BCR: variants seen among roughly 807,000 people sequenced by gnomAD.
BCR encodes the protein BCR activator of RhoGEF and GTPase, also known as breakpoint cluster region protein.
A neutral mutation model predicts 138.6 loss-of-function variants in BCR; 58 were observed. The ratio of observed to expected loss-of-function variants is 0.42; its 90% CI spans 0.34 to 0.52. BCR has a LOEUF of 0.52. Ranked by LOEUF, BCR falls within the 20% of genes least tolerant of loss-of-function variation. The pLI, the probability that BCR is intolerant of heterozygous loss-of-function variation, is 0.06. For synonymous variants in BCR, 786 were observed against 730.1 expected (o/e 1.08, Z -1.23); for missense variants, 1,599 against 1,727.2 (o/e 0.93, Z 1.32).
In BCR at chr22:23,273,113, A is replaced by G; in HGVS notation, c.1954A>G (p.Arg652Gly). The change falls in exon 7 of 23, where the codon AGG (arginine) becomes GGG (glycine). Residue 652 changes from arginine to glycine, a missense_variant. By Grantham distance (125) the Arg-to-Gly change is moderately radical (BLOSUM62 -2). This residue lies in a region of BCR where 590 missense variants were observed against 762.4 expected (regional missense o/e 0.77). Coordinates refer to ENST00000305877, the MANE Select transcript of BCR (RefSeq NM_004327.4). ...LLYKPVDRVT[R>G]STLVLHDLLK... ...CTACAAGCCTGTGGACCGTGTGACG[A>G]GGAGCACGCTGGTCCTCCATGTAAG... The G allele has an allele frequency of 6.2e-7, 1 of 1,613,596 alleles. No homozygotes were observed. The highest frequency in any genetic ancestry group is 8.5e-7 in the Non-Finnish European group (1 of 1,179,718).
At chr22:23,292,768 ATC>A in intron 15 of BCR, 130 bp downstream of exon 15, 1 of 701,624 alleles carries the variant, frequency 1.4e-6, no homozygotes, top group Non-Finnish European at 2.3e-6. Context: ...AATTCCAGGA[ATC>A]TCCTGGGGGG....
intron 1 of BCR, among the ~76,000 whole-genome samples, chr22:23,229,280 A>G (rs2072927064): frequency 6.6e-6 from 1 of 152,010 alleles, no homozygotes; most frequent in Non-Finnish European, 1.5e-5. Flanking sequence ...TTCTTCTTAG[A>G]GCATGGTTAT....
chr22:23,282,326 AG>A (rs1376828240), intron 8 of BCR, among the ~76,000 whole-genome samples: 1 of 152,206 alleles, frequency 6.6e-6, no homozygotes, highest in East Asian at 1.9e-4. Context: ...TGCCCTCGGC[AG>A]GCGGGGTGTG....
chr22:23,309,921 T>A (rs2073989149), intron 17 of BCR: 4 of 323,960 alleles, frequency 1.2e-5, no homozygotes, highest in Non-Finnish European at 2.3e-5. Flanking sequence ...TCTTTCCTAC[T>A]TAATTTTTAA....
At position 23,189,275 on chromosome 22, in the gene BCR, T is replaced by G. The variant is rs185005301; in HGVS notation, c.1279+7036T>G. On this transcript the variant is annotated intron_variant, in intron 1 of 22. Coordinates refer to ENST00000305877, the MANE Select transcript of BCR (RefSeq NM_004327.4). ...CCACTTGTCAATTTCTAGAACTTTTTCATCTTCCCAAACTGAAACTTCATA... is the reference window on the plus strand; with the variant it reads ...CCACTTGTCAATTTCTAGAACTTTTGCATCTTCCCAAACTGAAACTTCATA... 3.5e-3 allele frequency among the ~76,000 whole-genome samples: 536 copies of G among 152,324 alleles called. 6 individuals are homozygous for G. The highest frequency in any genetic ancestry group is 0.02 in the Middle Eastern group (6 of 294).
At chr22:23,236,325 G>A (rs544973651) in intron 1 of BCR, among the ~76,000 whole-genome samples, 1 of 152,304 alleles carries the variant, frequency 6.6e-6, no homozygotes, top group East Asian at 1.9e-4. Context: ...CTCTATGACT[G>A]AGCAGCACAG....
intron 1 of BCR, among the ~76,000 whole-genome samples, chr22:23,246,232 C>T (rs1330695187): frequency 2.0e-5 from 3 of 152,012 alleles, no homozygotes; most frequent in African/African-American, 7.3e-5. Flanking sequence ...CAAGACCAGC[C>T]TAGGCAACAT....
chr22:23,184,780 C>T lies in BCR; in HGVS notation c.1279+2541C>T, dbSNP rs559524220. On this transcript the variant is annotated intron_variant, in intron 1 of 22. Transcript: ENST00000305877. ...CACTCTGCCTAGCAGTTTCCCCTGA[C>T]GTGGGTCCATGTATGGCAGGCATGG... Among the ~76,000 whole-genome samples the T allele has an allele frequency of 7.9e-5, 12 of 152,274 alleles. No homozygotes were observed. The South Asian group carries it at 8.3e-4, about 11-fold the overall frequency.
At chr22:23,185,662 T>C (rs898170004) in intron 1 of BCR, among the ~76,000 whole-genome samples, 1 of 148,298 alleles carries the variant, frequency 6.7e-6, no homozygotes, top group African/African-American at 2.5e-5. Context: ...CGAGACACAG[T>C]CTCAAAAAAC....
intron 18 of BCR, among the ~76,000 whole-genome samples, chr22:23,311,495 G>C (rs1384305376): frequency 6.6e-6 from 1 of 151,986 alleles, no homozygotes; most frequent in African/African-American, 2.4e-5. Context: ...CGCTTGAAAG[G>C]TTCCTGAGAA....
intron 4 of BCR, chr22:23,263,666 A>T (rs1232505859): frequency 6.9e-7 from 1 of 1,440,422 alleles, no homozygotes; most frequent in Non-Finnish European, 9.8e-7. Context: ...GGAGATGGGA[A>T]GATTGGCCTT....
rs935287554 is a variant in BCR, at chr22:23,212,715, C to T, written c.1279+30476C>T. On this transcript the variant is annotated intron_variant, in intron 1 of 22. Coordinates refer to ENST00000305877, the MANE Select transcript of BCR (RefSeq NM_004327.4). Reference sequence around the variant, plus strand: ...TTGCTGTGTCTCTCAACACACACAGCTTCCATGGGCTGCTCACTCCAATTC... The same window carrying T: ...TTGCTGTGTCTCTCAACACACACAGTTTCCATGGGCTGCTCACTCCAATTC... Among the ~76,000 whole-genome samples the T allele has an allele frequency of 9.2e-5, 14 of 152,220 alleles. 1 individual carries two copies.
At chr22:23,215,160 G>A (rs2072737916) in intron 1 of BCR, among the ~76,000 whole-genome samples, 1 of 152,202 alleles carries the variant, frequency 6.6e-6, no homozygotes, top group Non-Finnish European at 1.5e-5. Context: ...GCATGTATTA[G>A]AATTTTCTTC....
At chr22:23,266,001 T>C (rs1407208785) in intron 4 of BCR, among the ~76,000 whole-genome samples, 1 of 152,234 alleles carries the variant, frequency 6.6e-6, no homozygotes, top group Non-Finnish European at 1.5e-5. Flanking sequence ...GATCATGTTA[T>C]GTACTTGGTT....
At chr22:23,226,141 T>C (rs2072890553) in intron 1 of BCR, among the ~76,000 whole-genome samples, 1 of 152,226 alleles carries the variant, frequency 6.6e-6, no homozygotes, top group South Asian at 2.1e-4. Flanking sequence ...AAATGATTCA[T>C]TTCCTTCAAA....
At chr22:23,232,316 G>T (rs1211172117) in intron 1 of BCR, among the ~76,000 whole-genome samples, 1 of 152,238 alleles carries the variant, frequency 6.6e-6, no homozygotes, top group Non-Finnish European at 1.5e-5. Context: ...CAAGAAGCCT[G>T]GGTCCCAGAG....
chr22:23,201,682 C>G (rs549417381), intron 1 of BCR, among the ~76,000 whole-genome samples: 1 of 152,178 alleles, frequency 6.6e-6, no homozygotes, highest in Non-Finnish European at 1.5e-5. Flanking sequence ...GTCTCGATCT[C>G]CTGACCTTGT....
At chr22:23,295,833 T>C (rs767663429) in intron 16 of BCR, among the ~76,000 whole-genome samples, 14 of 152,128 alleles carry the variant, frequency 9.2e-5, no homozygotes, top group Non-Finnish European at 8.8e-5. Flanking sequence ...CCCCAGGCCC[T>C]GTTTATCCTG....
At chr22:23,291,817 A>G (rs1473462161) in intron 14 of BCR, among the ~76,000 whole-genome samples, 1 of 152,028 alleles carries the variant, frequency 6.6e-6, no homozygotes, top group African/African-American at 2.4e-5. Context: ...TCCATCAGTG[A>G]GGCTTCTTAG....
Sources: gnomAD v4.1 joint callset for allele counts (sites outside exome capture counted in the v4.1 genomes callset) on GRCh38, gnomAD v4.1.1 for gene constraint, gnomAD v4.1.1 regional missense constraint, MANE v1.5 for transcripts, NCBI Gene and HGNC (gene_info 2026-07-23, HGNC 2026-07-21) for gene names.